The following RGS22 variants were observed in gnomAD, a reference collection of about 807,000 sequenced individuals.
The protein encoded by RGS22 is regulator of G-protein signaling 22.
In RGS22, 148 loss-of-function variants were observed where a neutral mutation model predicts 172.9. The ratio of observed to expected loss-of-function variants is 0.86; its 90% CI spans 0.75 to 0.98. The LOEUF (loss-of-function observed/expected upper bound fraction) is 0.98. RGS22 is among the 50% of genes least tolerant of loss of function. The pLI is 0.00. For missense variants in RGS22, 1,347 were observed against 1,440.8 expected, an observed-to-expected ratio of 0.93 and a Z score of 1.05; for synonymous variants, 458 against 480.2, an observed-to-expected ratio of 0.95 and a Z score of 0.60.
At chr8:100,101,267 AAGTGAC>A in intron 2 of RGS22, among the ~76,000 whole-genome samples, 1 of 151,994 alleles carries the variant, frequency 6.6e-6, no homozygotes, top group South Asian at 2.1e-4. Context: ...TGTAAGTTTA[AAGTGAC>A]AGTGACTCCT....
chr8:100,102,770 G>T (rs559895203), intron 2 of RGS22, among the ~76,000 whole-genome samples: 2 of 152,344 alleles, frequency 1.3e-5, no homozygotes, highest in African/African-American at 4.8e-5. Context: ...GCATGTGGAT[G>T]TACTTTATAA....
At chr8:100,051,819 ATATTTATATAT>A (rs1821546439) in intron 10 of RGS22, among the ~76,000 whole-genome samples, 1 of 73,446 alleles carries the variant, frequency 1.4e-5, no homozygotes, top group African/African-American at 5.3e-5. Flanking sequence ...ATGTTTATAT[ATATTTATATAT>A]AAATGTTTAT....
intron 14 of RGS22, among the ~76,000 whole-genome samples, chr8:100,028,097 C>T (rs1005869840): frequency 9.2e-5 from 14 of 152,024 alleles, no homozygotes; most frequent in African/African-American, 2.2e-4. Context: ...TGTCACTTTT[C>T]GCCTCTAAGA....
At chr8:100,004,223 G>T in intron 16 of RGS22, 125 bp from the exon 17 acceptor site, 1 of 1,183,922 alleles carries the variant, frequency 8.4e-7, no homozygotes, top group Non-Finnish European at 1.1e-6. Context: ...CAATGGCAGA[G>T]TGGGTAAAGA....
chr8:100,060,415 T>C (rs1427397806), intron 9 of RGS22, among the ~76,000 whole-genome samples: 4 of 136,264 alleles, frequency 2.9e-5, no homozygotes, highest in African/African-American at 1.1e-4. Context: ...TATATATATA[T>C]ATATATACAC....
intron 23 of RGS22, among the ~76,000 whole-genome samples, chr8:99,970,840 A>C (rs1811260473): frequency 6.6e-6 from 1 of 152,186 alleles, no homozygotes; most frequent in Non-Finnish European, 1.5e-5. Context: ...AACTATTCCA[A>C]ACAATAGAAA....
intron 14 of RGS22, among the ~76,000 whole-genome samples, chr8:100,036,043 A>T (rs1023837376): frequency 2.0e-5 from 3 of 152,260 alleles, no homozygotes; most frequent in East Asian, 3.9e-4. Flanking sequence ...CCAACATGGC[A>T]TATGTAGACC....
intron 27 of RGS22, among the ~76,000 whole-genome samples, chr8:99,961,915 G>A (rs995880892): frequency 2.0e-5 from 3 of 152,076 alleles, no homozygotes; most frequent in African/African-American, 4.8e-5. Flanking sequence ...TTTTAACTGG[G>A]TTCTTCAAGT....
Position 100,105,861 on chromosome 8 carries a change from G to A in RGS22, c.25+36C>T, listed in dbSNP as rs1046709022. On this transcript the variant is annotated intron_variant, in intron 1 of 27. Transcript: ENST00000360863. ...GCGCGTGGTGCGGCCCCGACGCCGC[G>A]GGCTGATCCTCTGTCCCTGTGGGGC... 5.3e-6 allele frequency: 8 copies of A among 1,496,030 alleles called. No homozygotes were observed. The African/African-American group carries it at 5.8e-5, about 11-fold the overall frequency. The allele number at this position is 1,496,030 out of a possible 1,614,324, so 92.7% of individuals were successfully genotyped here. A position where few individuals can be genotyped will look rare whatever the true frequency, so the allele number is the denominator to read the frequency against.
chr8:99,982,297 C>T (rs1812633510), intron 21 of RGS22, among the ~76,000 whole-genome samples, 181 bp from the exon 22 acceptor site: 1 of 152,120 alleles, frequency 6.6e-6, no homozygotes. Context: ...ATTTGAGGAA[C>T]CTAAGACTTT....
intron 14 of RGS22, among the ~76,000 whole-genome samples, chr8:100,031,462 C>T (rs1325028239): frequency 6.6e-6 from 1 of 152,072 alleles, no homozygotes; most frequent in Non-Finnish European, 1.5e-5. Flanking sequence ...TTTCTCATTT[C>T]CATTTCATTC....
intron 24 of RGS22, among the ~76,000 whole-genome samples, chr8:99,964,124 G>A (rs1455864180): frequency 4.0e-5 from 6 of 151,876 alleles, no homozygotes; most frequent in African/African-American, 1.2e-4. Flanking sequence ...GAAATTATGT[G>A]ATTATATCCA....
intron 22 of RGS22, among the ~76,000 whole-genome samples, chr8:99,980,123 T>C (rs1442120017): frequency 6.6e-6 from 1 of 152,172 alleles, no homozygotes; most frequent in Non-Finnish European, 1.5e-5. Context: ...AGAGACAGGA[T>C]CTCACTATAT....
At chr8:100,096,734 C>A (rs1387567521) in intron 2 of RGS22, among the ~76,000 whole-genome samples, 1 of 147,918 alleles carries the variant, frequency 6.8e-6, no homozygotes, top group Non-Finnish European at 1.5e-5. Context: ...GTCTTGAACT[C>A]CTGGGCTCAA....
chr8:100,074,264 T>C (rs1484306977), intron 4 of RGS22, among the ~76,000 whole-genome samples: 2 of 152,274 alleles, frequency 1.3e-5, no homozygotes, highest in Non-Finnish European at 2.9e-5. Context: ...ATAGATCTTA[T>C]TGGTTAGATT....
At chr8:100,078,710 T>G (rs1811534368) in intron 4 of RGS22, among the ~76,000 whole-genome samples, 1 of 152,118 alleles carries the variant, frequency 6.6e-6, no homozygotes, top group African/African-American at 2.4e-5. Flanking sequence ...ACTGCAGCCT[T>G]AACCTCTCCA....
At chr8:99,996,899 C>G (rs1814459546) in intron 19 of RGS22, among the ~76,000 whole-genome samples, 1 of 152,188 alleles carries the variant, frequency 6.6e-6, no homozygotes. Context: ...AAAAGTTACT[C>G]AACATGGAAA....
At chr8:100,081,699 C>T (rs1289069892) in intron 3 of RGS22, among the ~76,000 whole-genome samples, 1 of 152,004 alleles carries the variant, frequency 6.6e-6, no homozygotes, top group African/African-American at 2.4e-5. Context: ...TATGCTATCA[C>T]TTAACTAAAG....
At chr8:100,035,281 T>C (rs1365045592) in intron 14 of RGS22, among the ~76,000 whole-genome samples, 2 of 151,874 alleles carry the variant, frequency 1.3e-5, no homozygotes, top group Non-Finnish European at 1.5e-5. Context: ...AACAACCCCA[T>C]CAAAAAGTGG....
Sources: gnomAD v4.1 joint callset for allele counts (sites outside exome capture counted in the v4.1 genomes callset) on GRCh38, gnomAD v4.1.1 for gene constraint, MANE v1.5 for transcripts, NCBI Gene and HGNC (gene_info 2026-07-23, HGNC 2026-07-21) for gene names.